The following FAM171B variants were observed in gnomAD, a reference collection of about 807,000 sequenced individuals.
FAM171B encodes protein FAM171B.
A neutral mutation model predicts 75.6 loss-of-function variants in FAM171B; 19 were observed. The ratio of observed to expected loss-of-function variants is 0.25; its 90% CI spans 0.18 to 0.37. The LOEUF (loss-of-function observed/expected upper bound fraction) is 0.37. Among genes scored for constraint, FAM171B ranks in the 10% least tolerant of loss-of-function variants. The pLI, the probability that FAM171B is intolerant of heterozygous loss-of-function variation, is 1.00. For synonymous variants in FAM171B, 367 were observed against 361.7 expected (o/e 1.01, Z -0.17); for missense variants, 848 against 982.4 (o/e 0.86, Z 1.83).
At position 186,694,350 on chromosome 2, in the gene FAM171B, G is replaced by T; in HGVS notation, c.177G>T (p.Leu59=). 1 of 1,613,192 alleles carries T rather than the reference G, an allele frequency of 6.2e-7. No individual in the cohort carries two copies. Among genetic ancestry groups the T allele is most frequent in the Non-Finnish European group, 8.5e-7 (1 of 1,179,660 alleles). The change falls in exon 1 of 8, where the codon CTG becomes CTT. Residue 59 remains leucine (L), a synonymous_variant. Transcript: ENST00000304698. ...QQQQQQQQKQ[L]EEAEEERTEV... ...AACAACAACAACAGCAAAAGCAGCT[G>T]GAGGAGGCTGAGGAGGAGAGGACAG...
chr2:186,754,661 A>G (rs1208753226), intron 6 of FAM171B, among the ~76,000 whole-genome samples: 1 of 152,070 alleles, frequency 6.6e-6, no homozygotes, highest in Non-Finnish European at 1.5e-5. Context: ...GGGATTGAGG[A>G]GGAGAGGAAG....
chr2:186,757,146 A>AG (rs745530152), intron 6 of FAM171B, among the ~76,000 whole-genome samples: 4 of 152,242 alleles, frequency 2.6e-5, no homozygotes, highest in South Asian at 4.1e-4. Flanking sequence ...CTGGAGTATG[A>AG]GGGGTGGTGC....
At chr2:186,731,196 T>A (rs1288631888) in intron 1 of FAM171B, among the ~76,000 whole-genome samples, 2 of 152,220 alleles carry the variant, frequency 1.3e-5, no homozygotes, top group African/African-American at 4.8e-5. Context: ...TTTACAGTTG[T>A]ACATATTTAA....
chr2:186,706,369 C>A (rs1425785021), intron 1 of FAM171B, among the ~76,000 whole-genome samples: 2 of 152,096 alleles, frequency 1.3e-5, no homozygotes. Flanking sequence ...CTCAGTGAAA[C>A]CCATATTTTT....
chr2:186,705,426 G>C (rs969185730), intron 1 of FAM171B, among the ~76,000 whole-genome samples: 3 of 152,042 alleles, frequency 2.0e-5, no homozygotes, highest in African/African-American at 7.2e-5. Context: ...CTACCTCATG[G>C]CAACGCAGAG....
At position 186,694,320 on chromosome 2, in the gene FAM171B, G is replaced by GCAGCAGCAACAA; in HGVS notation, c.149_150insGCAGCAACAACA (p.Gln53_Gln56dup). On this transcript the variant is annotated inframe_insertion, in exon 1 of 8. Coordinates refer to ENST00000304698, the MANE Select transcript of FAM171B (RefSeq NM_177454.4). ...TCATCCAACAGCAGCAGCAGCAGCA[G>GCAGCAGCAACAA]CAACAACAACAACAACAGCAAAAGC... 2.5e-6 allele frequency: 4 copies of GCAGCAGCAACAA among 1,570,028 alleles called. No individual in the cohort carries two copies. The highest frequency in any genetic ancestry group is 3.5e-6 in the Non-Finnish European group (4 of 1,152,066).
intron 2 of FAM171B, among the ~76,000 whole-genome samples, chr2:186,743,222 G>A (rs925078820): frequency 3.9e-5 from 6 of 151,974 alleles, no homozygotes; most frequent in African/African-American, 9.7e-5. Flanking sequence ...TCATCACCTT[G>A]GTATAGACTA....
intron 4 of FAM171B, among the ~76,000 whole-genome samples, chr2:186,750,793 G>C (rs1164644685): frequency 3.9e-5 from 6 of 152,138 alleles, no homozygotes; most frequent in Admixed American, 6.5e-5. Flanking sequence ...GTGTATGATA[G>C]AGCCTTTATG....
intron 1 of FAM171B, among the ~76,000 whole-genome samples, chr2:186,705,955 T>C (rs186125294): frequency 4.6e-4 from 70 of 152,316 alleles, no homozygotes; most frequent in African/African-American, 1.6e-3. Flanking sequence ...GGATACCTTA[T>C]ACCTGAAAAA....
chr2:186,723,666 T>A (rs1420519666), intron 1 of FAM171B, among the ~76,000 whole-genome samples: 1 of 152,250 alleles, frequency 6.6e-6, no homozygotes, highest in Non-Finnish European at 1.5e-5. Context: ...AGAATTAGTA[T>A]ATTTACTGAA....
chr2:186,707,104 A>G, intron 1 of FAM171B, among the ~76,000 whole-genome samples: 1 of 152,208 alleles, frequency 6.6e-6, no homozygotes, highest in Non-Finnish European at 1.5e-5. Flanking sequence ...TTCTGAATAT[A>G]TCTACCAATT....
At chr2:186,697,536 A>G (rs1365741688) in intron 1 of FAM171B, among the ~76,000 whole-genome samples, 1 of 152,198 alleles carries the variant, frequency 6.6e-6, no homozygotes, top group Non-Finnish European at 1.5e-5. Flanking sequence ...TACAAGCATG[A>G]ACCATAATTC....
intron 1 of FAM171B, among the ~76,000 whole-genome samples, chr2:186,705,413 C>G (rs1488932836): frequency 2.0e-5 from 3 of 152,060 alleles, no homozygotes; most frequent in Non-Finnish European, 4.4e-5. Flanking sequence ...TGAGTCCTGC[C>G]TCCTACCTCA....
At chr2:186,713,320 T>C (rs920270660) in intron 1 of FAM171B, among the ~76,000 whole-genome samples, 1 of 152,250 alleles carries the variant, frequency 6.6e-6, no homozygotes, top group Non-Finnish European at 1.5e-5. Flanking sequence ...ATGGCAACTG[T>C]AATTTAAAAT....
intron 3 of FAM171B, among the ~76,000 whole-genome samples, chr2:186,745,471 G>A (rs1041788407): frequency 5.9e-5 from 9 of 152,216 alleles, no homozygotes; most frequent in Admixed American, 2.0e-4. Context: ...GCAGGTTTCC[G>A]TGAGAACACT....
intron 1 of FAM171B, among the ~76,000 whole-genome samples, chr2:186,696,059 G>A (rs548294158): frequency 6.6e-6 from 1 of 152,220 alleles, no homozygotes; most frequent in South Asian, 2.1e-4. Flanking sequence ...CCTGAATCCA[G>A]CATGCAAATT....
At chr2:186,745,993 T>C (rs1031751224) in intron 3 of FAM171B, among the ~76,000 whole-genome samples, 1 of 152,236 alleles carries the variant, frequency 6.6e-6, no homozygotes, top group African/African-American at 2.4e-5. Flanking sequence ...CATTGTTTCA[T>C]TTATCATTTA....
chr2:186,761,668 A>G lies in FAM171B; in HGVS notation c.1326A>G (p.Pro442=), dbSNP rs1690618198. The G allele has an allele frequency of 6.2e-7, 1 of 1,612,178 alleles. No individual in the cohort carries two copies. Among genetic ancestry groups the G allele is most frequent in the Admixed American group, 1.7e-5 (1 of 59,604 alleles). The change falls in exon 8 of 8, where the codon CCA becomes CCG. Residue 442 remains proline, a synonymous_variant. Coordinates refer to ENST00000304698, the MANE Select transcript of FAM171B (RefSeq NM_177454.4). ...CATATAGTCCTCAGAAAAAGGAACC[A>G]TCAAAGGCAGAAACAGAAGAAAGAG... ...NSSYSPQKKE[P]SKAETEERVS...
intron 1 of FAM171B, among the ~76,000 whole-genome samples, chr2:186,727,137 T>A (rs909137565): frequency 6.6e-6 from 1 of 152,072 alleles, no homozygotes; most frequent in Non-Finnish European, 1.5e-5. Flanking sequence ...TTAGCATGAC[T>A]CATGGCTGAG....
Sources: gnomAD v4.1 joint callset for allele counts (sites outside exome capture counted in the v4.1 genomes callset) on GRCh38, gnomAD v4.1.1 for gene constraint, MANE v1.5 for transcripts, NCBI Gene and HGNC (gene_info 2026-07-23, HGNC 2026-07-21) for gene names.